Variants in EPB41L4A observed in about 807,000 individuals in gnomAD.
EPB41L4A encodes the protein band 4.1-like protein 4A.
EPB41L4A carries 100 observed loss-of-function variants against 108.6 expected under a neutral mutation model. The observed-to-expected ratio is 0.92, with a 90% CI of 0.78 to 1.09. The LOEUF (loss-of-function observed/expected upper bound fraction) is 1.09, where lower values mean the gene tolerates loss of function less well. Ranked by LOEUF, EPB41L4A falls within the 50% of genes least tolerant of loss-of-function variation. The probability of loss-of-function intolerance (pLI) is 0.00; values close to 1 mark genes in which losing one functional copy is unlikely to be tolerated. For missense variants in EPB41L4A, 1,030 were observed against 842.7 expected (o/e 1.22, Z -2.75); for synonymous variants, 319 against 289.0 (o/e 1.10, Z -1.05).
At position 112,148,933 on chromosome 5, in the gene EPB41L4A, T is replaced by C. The variant is rs114435605; in HGVS notation, n.995-2935A>G. ...TTTCTGAGTTATATCTTCCATTTCA[T>C]TGACAGGGAATGCCTGTGCAATTAC... On this transcript the variant is annotated intron_variant and non_coding_transcript_variant, in intron 12 of 13. Transcript: ENST00000507810. Among the ~76,000 whole-genome samples, 291 of 152,332 alleles carry C rather than the reference T, an allele frequency of 1.9e-3. 1 individual carries two copies. Among genetic ancestry groups the C allele is most frequent in the African/African-American group, 6.5e-3 (270 of 41,584 alleles).
downstream of EPB41L4A, among the ~76,000 whole-genome samples, chr5:112,160,060 G>A (rs1182795947): frequency 6.0e-5 from 9 of 148,944 alleles, no homozygotes; most frequent in Admixed American, 1.3e-4. Context: ...ATAGACGCCC[G>A]CCACCAAGCC....
chr5:112,211,394 C>T (rs1413663430), intron 12 of EPB41L4A, among the ~76,000 whole-genome samples: 1 of 152,144 alleles, frequency 6.6e-6, no homozygotes, highest in East Asian at 1.9e-4. Context: ...CCACTCTGGC[C>T]AACAAGGCAA....
intron 1 of EPB41L4A, among the ~76,000 whole-genome samples, chr5:112,312,496 G>A (rs1755114269): frequency 6.6e-6 from 1 of 152,166 alleles, no homozygotes; most frequent in Non-Finnish European, 1.5e-5. Context: ...TTTCTGTATA[G>A]TGCAGGTGTG....
intron 1 of EPB41L4A, among the ~76,000 whole-genome samples, chr5:112,415,715 C>G (rs10069608): frequency 0.14 from 21,528 of 151,986 alleles, 4,215 homozygotes; most frequent in African/African-American, 0.44. Context: ...ACCAACCATA[C>G]CAAATATCCT....
chr5:112,375,237 G>A (rs1224182952), intron 1 of EPB41L4A, among the ~76,000 whole-genome samples: 2 of 151,794 alleles, frequency 1.3e-5, no homozygotes, highest in Non-Finnish European at 1.5e-5. Flanking sequence ...CAACCCCTGG[G>A]GATGATCACG....
At chr5:112,229,535 A>G (rs753228783) in intron 12 of EPB41L4A, among the ~76,000 whole-genome samples, 2 of 152,008 alleles carry the variant, frequency 1.3e-5, no homozygotes, top group Non-Finnish European at 1.5e-5. Flanking sequence ...ACTGTACCCA[A>G]TGTGTAGTCT....
chr5:112,217,397 T>C (rs966374672), intron 12 of EPB41L4A, among the ~76,000 whole-genome samples: 2 of 152,226 alleles, frequency 1.3e-5, no homozygotes, highest in Non-Finnish European at 2.9e-5. Context: ...GGCAGCCAGA[T>C]TCCTGCTTAA....
intron 12 of EPB41L4A, among the ~76,000 whole-genome samples, chr5:112,213,727 T>C (rs955444969): frequency 6.6e-6 from 1 of 152,138 alleles, no homozygotes; most frequent in Non-Finnish European, 1.5e-5. Context: ...AAATGTGAAC[T>C]AGACAAGCCT....
At chr5:112,387,767 T>C (rs1049924443) in intron 1 of EPB41L4A, among the ~76,000 whole-genome samples, 1 of 152,212 alleles carries the variant, frequency 6.6e-6, no homozygotes, top group African/African-American at 2.4e-5. Context: ...ACATTATCTG[T>C]AAAAGAGATT....
chr5:112,400,546 GAAA>G (rs1297871334), intron 1 of EPB41L4A, among the ~76,000 whole-genome samples: 98 of 152,166 alleles, frequency 6.4e-4, no homozygotes, highest in African/African-American at 2.2e-3. Flanking sequence ...GAGCAAGAAA[GAAA>G]GTGTCAGAGG....
chr5:112,195,729 AT>A, intron 15 of EPB41L4A, 21 bp from the exon 16 acceptor site: 1 of 1,607,428 alleles, frequency 6.2e-7, no homozygotes, highest in Non-Finnish European at 8.5e-7. Context: ...AAATGAAGAC[AT>A]TTAAGAAAAC....
intron 1 of EPB41L4A, among the ~76,000 whole-genome samples, chr5:112,338,581 C>T (rs182811246): frequency 2.7e-5 from 4 of 146,598 alleles, no homozygotes; most frequent in African/African-American, 7.9e-5. Context: ...CCTCTACCAG[C>T]GTATATAAAA....
chr5:112,151,300 C>T (rs920825246), intron 12 of EPB41L4A, among the ~76,000 whole-genome samples: 1 of 148,876 alleles, frequency 6.7e-6, no homozygotes, highest in Non-Finnish European at 1.5e-5. Flanking sequence ...GAACAATAGC[C>T]CCTAAGTGGG....
intron 2 of EPB41L4A, among the ~76,000 whole-genome samples, chr5:112,284,356 A>T (rs1388308500): frequency 6.6e-6 from 1 of 152,160 alleles, no homozygotes. Context: ...GCTGCATCTT[A>T]TTTCACACTG....
At position 112,323,538 on chromosome 5, in the gene EPB41L4A, C is replaced by T. The variant is rs187105515; in HGVS notation, c.100-16048G>A. ...AAAACTTATTTATGTGAACAGGCAA[C>T]TCAACTACTCCTTATTAAGTAAATA... On this transcript the variant is annotated intron_variant, in intron 1 of 22. Coordinates refer to ENST00000261486, the MANE Select transcript of EPB41L4A (RefSeq NM_022140.5). Among the ~76,000 whole-genome samples the T allele has an allele frequency of 1.2e-3, 180 of 152,330 alleles. 2 individuals are homozygous for T. The highest frequency in any genetic ancestry group is 1.4e-3 in the Non-Finnish European group (96 of 68,032).
intron 1 of EPB41L4A, among the ~76,000 whole-genome samples, chr5:112,408,742 T>G: frequency 8.9e-6 from 1 of 112,856 alleles, no homozygotes; most frequent in Non-Finnish European, 1.8e-5. Context: ...CAAGAAAAGA[T>G]GCTCAACATC....
intron 13 of EPB41L4A, among the ~76,000 whole-genome samples, chr5:112,209,388 G>A (rs1408008496): frequency 6.6e-6 from 1 of 152,240 alleles, no homozygotes; most frequent in Non-Finnish European, 1.5e-5. Context: ...ACTGGGGAAT[G>A]CCCCCTGGGA....
At position 112,165,135 on chromosome 5, in the gene EPB41L4A, A is replaced by C. The variant is rs1229043421; in HGVS notation, c.1933-17T>G. The C allele has an allele frequency of 1.4e-6, 1 of 709,840 alleles. No homozygotes were observed. Among genetic ancestry groups the C allele is most frequent in the Non-Finnish European group, 2.0e-6 (1 of 493,916 alleles). 44.0% of individuals were successfully genotyped at this position (709,840 alleles called of 1,614,324 possible). Reference sequence around the variant, plus strand: ...ATTTCTTCTCTAAAATATATTTGAAAAATGTAGAAAGATTCAGAAGAAAAC... The same window carrying C: ...ATTTCTTCTCTAAAATATATTTGAACAATGTAGAAAGATTCAGAAGAAAAC... On this transcript the variant is annotated splice_polypyrimidine_tract_variant and intron_variant, in intron 22 of 22. Transcript: ENST00000261486.
rs549567825 is a variant in EPB41L4A, at chr5:112,362,506, C to G, written c.100-55016G>C. ...ATGTTGCCCAGGCTGGTCTCAAACT[C>G]CTGACCTTAGGTGATCCGCCCACCT... is the stretch of plus-strand genomic sequence containing the variant. On this transcript the variant is annotated intron_variant, in intron 1 of 22. Coordinates refer to ENST00000261486, the MANE Select transcript of EPB41L4A (RefSeq NM_022140.5). 2.0e-5 allele frequency among the ~76,000 whole-genome samples: 3 copies of G among 152,224 alleles called. No homozygotes were observed. The South Asian group carries it at 6.2e-4, about 32-fold the overall frequency.
Sources: gnomAD v4.1 joint callset for allele counts (sites outside exome capture counted in the v4.1 genomes callset) on GRCh38, gnomAD v4.1.1 for gene constraint, MANE v1.5 for transcripts, NCBI Gene and HGNC (gene_info 2026-07-23, HGNC 2026-07-21) for gene names.